Variants in SUCLA2 observed in about 807,000 individuals in gnomAD.
SUCLA2 encodes succinate--CoA ligase [ADP-forming] subunit beta, mitochondrial.
In SUCLA2, 30 loss-of-function variants were observed where a neutral mutation model predicts 54.8. The observed-to-expected ratio is 0.55, with a 90% CI of 0.41 to 0.74. SUCLA2 has a LOEUF of 0.74. Ranked by LOEUF, SUCLA2 falls within the 30% of genes least tolerant of loss-of-function variation. The pLI is 0.00. For synonymous variants in SUCLA2, 172 were observed against 188.9 expected, an observed-to-expected ratio of 0.91 and a Z score of 0.74; for missense variants, 476 against 562.9, an observed-to-expected ratio of 0.85 and a Z score of 1.56.
chr13:47,971,783 A>T, intron 5 of SUCLA2: 1 of 397,992 alleles, frequency 2.5e-6, no homozygotes, highest in Non-Finnish European at 4.4e-6. Flanking sequence ...AAGGGGACAC[A>T]GGAATATTTT....
chr13:47,948,773 G>T lies in SUCLA2; in HGVS notation c.1317+167C>A, dbSNP rs73187756. On this transcript the variant is annotated intron_variant, in intron 10 of 10. Transcript: ENST00000646932. ...TATTGCAACAGTCCCTCTGAATAAA[G>T]TCTGCCTTAACATCTTTCAGCAAGA... is the stretch of plus-strand genomic sequence containing the variant. Among the ~76,000 whole-genome samples, 5,924 of 152,150 alleles carry T rather than the reference G, an allele frequency of 0.039. 152 individuals carry two copies. The highest frequency in any genetic ancestry group is 0.063 in the Non-Finnish European group (4,282 of 67,996).
At chr13:47,994,274 A>C (rs1950173927) in intron 2 of SUCLA2, among the ~76,000 whole-genome samples, 1 of 151,688 alleles carries the variant, frequency 6.6e-6, no homozygotes, top group African/African-American at 2.4e-5. Context: ...TGACTCACTA[A>C]AAACACAAAA....
intron 4 of SUCLA2, among the ~76,000 whole-genome samples, chr13:47,983,613 C>T (rs568856253): frequency 1.3e-5 from 2 of 152,020 alleles, no homozygotes; most frequent in African/African-American, 2.4e-5. Context: ...CCTCAGCCTC[C>T]GGAGTAGCTG....
intron 6 of SUCLA2, among the ~76,000 whole-genome samples, chr13:47,959,044 T>G (rs78165869): frequency 0.096 from 14,600 of 152,248 alleles, 813 homozygotes; most frequent in South Asian, 0.18. Flanking sequence ...TGTGGAACTG[T>G]TCTCATCTAT....
rs1366859649 is a variant in SUCLA2, at chr13:47,943,764, G to GTATATATATATATATATATA, written c.1318-320_1318-319insTATATATATATATATATATA. Among the ~76,000 whole-genome samples, 277 of 137,888 alleles carry GTATATATATATATATATATA rather than the reference G, an allele frequency of 2.0e-3. 1 individual carries two copies. The highest frequency in any genetic ancestry group is 7.0e-3 in the African/African-American group (252 of 36,002). 90.5% of individuals were successfully genotyped at this position (137,888 alleles called of 152,430 possible). A position where few individuals can be genotyped will look rare whatever the true frequency, so the allele number is the denominator to read the frequency against. ...TATGTATGTGTGTGTGTGTGTGTGT[G>GTATATATATATATATATATA]TGTATATATATATATATTATTCTAA... On this transcript the variant is annotated intron_variant, in intron 10 of 10. Transcript: ENST00000646932.
At chr13:47,983,159 G>A (rs902771581) in intron 4 of SUCLA2, among the ~76,000 whole-genome samples, 22 of 152,124 alleles carry the variant, frequency 1.4e-4, no homozygotes, top group Non-Finnish European at 2.9e-5. Context: ...AGAGCCTTCT[G>A]AGGCTAAAGA....
rs369590382 is a variant in SUCLA2, at chr13:47,943,460, C to T, written c.1318-15G>A. 1.8e-5 allele frequency: 29 copies of T among 1,613,064 alleles called. No homozygotes were observed. The highest frequency in any genetic ancestry group is 6.7e-5 in the East Asian group (3 of 44,808). On this transcript the variant is annotated splice_polypyrimidine_tract_variant and intron_variant, in intron 10 of 10. Transcript: ENST00000646932. Reference sequence around the variant, plus strand: ...AGCTTTACAACCTAAAAGAAAAGAACGAAGAATTTTCACAAAAAGGTAAAT... The same window carrying T: ...AGCTTTACAACCTAAAAGAAAAGAATGAAGAATTTTCACAAAAAGGTAAAT...
At chr13:47,997,794 A>G (rs545347562) in intron 1 of SUCLA2, among the ~76,000 whole-genome samples, 1 of 152,354 alleles carries the variant, frequency 6.6e-6, no homozygotes, top group South Asian at 2.1e-4. Flanking sequence ...TTAAATTTAA[A>G]GAGGTCATAG....
At chr13:47,994,896 C>T (rs1308648460) in intron 2 of SUCLA2, 2 of 980,512 alleles carry the variant, frequency 2.0e-6, no homozygotes, top group Non-Finnish European at 2.4e-6. Context: ...TTCTTCTGTA[C>T]CTAAGAATCA....
At chr13:47,965,739 G>T (rs1949912904) in intron 6 of SUCLA2, 4 of 396,064 alleles carry the variant, frequency 1.0e-5, no homozygotes, top group Non-Finnish European at 1.8e-5. Context: ...AAATTTCTTG[G>T]TTTTAATAAA....
At chr13:47,994,041 A>G (rs1035580504) in intron 2 of SUCLA2, among the ~76,000 whole-genome samples, 7 of 144,874 alleles carry the variant, frequency 4.8e-5, no homozygotes, top group Non-Finnish European at 1.1e-4. Context: ...CTGGGCAACA[A>G]GAACGAAACT....
rs1169863627 is a variant in SUCLA2 at position 47,972,020 on chromosome 13, G to A, written c.663+1244C>T. The stretch of plus-strand genomic sequence containing the variant: ...AATCTTAGCACTTCAGGAGGCCGAT[G>A]AGGGTGGATCACCTGATGTCAGGAG... On this transcript the variant is annotated intron_variant, in intron 5 of 10. Transcript: ENST00000646932. The A allele has an allele frequency of 7.6e-6, 3 of 393,136 alleles. No homozygotes were observed. The East Asian group carries it at 1.1e-4, about 14-fold the overall frequency. The allele number at this position is 393,136 out of a possible 1,614,324, so 24.4% of individuals were successfully genotyped here. A position where few individuals can be genotyped will look rare whatever the true frequency, so the allele number is the denominator to read the frequency against.
At chr13:47,965,496 A>T (rs1403250238) in intron 6 of SUCLA2, 5 of 129,700 alleles carry the variant, frequency 3.9e-5, no homozygotes, top group African/African-American at 1.3e-4. Flanking sequence ...CCCTTCTTTA[A>T]AAAAAAAAAA....
At chr13:47,961,849 CT>C (rs1949873917) in intron 6 of SUCLA2, among the ~76,000 whole-genome samples, 1 of 152,232 alleles carries the variant, frequency 6.6e-6, no homozygotes, top group South Asian at 2.1e-4. Flanking sequence ...TGATATATTG[CT>C]TTTAATCTCC....
chr13:47,961,997 AT>A (rs1949874900), intron 6 of SUCLA2, among the ~76,000 whole-genome samples: 1 of 152,246 alleles, frequency 6.6e-6, no homozygotes, highest in Admixed American at 6.5e-5. Flanking sequence ...CAGGACTCTA[AT>A]TAAAGAGCTG....
intron 4 of SUCLA2, among the ~76,000 whole-genome samples, chr13:47,986,971 A>G (rs781120402): frequency 1.3e-5 from 2 of 152,226 alleles, no homozygotes; most frequent in African/African-American, 2.4e-5. Flanking sequence ...TACCCCAAAA[A>G]GTAACACCAA....
intron 8 of SUCLA2, among the ~76,000 whole-genome samples, chr13:47,951,035 A>G (rs1245853304): frequency 6.6e-6 from 1 of 152,082 alleles, no homozygotes; most frequent in East Asian, 1.9e-4. Context: ...CTCTCACCTC[A>G]TTCTGGAGAG....
intron 2 of SUCLA2, 80 bp from the exon 3 acceptor site, chr13:47,989,061 T>C (rs1489997226): frequency 3.1e-6 from 4 of 1,304,668 alleles, no homozygotes; most frequent in African/African-American, 1.4e-5. Context: ...AACATACATA[T>C]TGACAGGTGT....
chr13:47,946,138 A>T (rs1013731458), intron 10 of SUCLA2, among the ~76,000 whole-genome samples: 7 of 152,240 alleles, frequency 4.6e-5, no homozygotes, highest in African/African-American at 1.7e-4. Flanking sequence ...AGATATTTTG[A>T]GAGACCACAT....
Sources: allele counts gnomAD v4.1 joint callset (sites outside exome capture counted in the v4.1 genomes callset), GRCh38; gene constraint gnomAD v4.1.1; transcripts MANE v1.5; gene names NCBI Gene and HGNC (gene_info 2026-07-23, HGNC 2026-07-21).